Variants in IL1RAPL2 observed in about 807,000 individuals in gnomAD.
IL1RAPL2 encodes the protein interleukin 1 receptor accessory protein like 2.
IL1RAPL2 carries 3 observed loss-of-function variants against 44.1 expected under a neutral mutation model. The ratio of observed to expected loss-of-function variants is 0.07; its 90% CI spans 0.03 to 0.18. The LOEUF (loss-of-function observed/expected upper bound fraction) is 0.18. IL1RAPL2 is among the 10% of genes least tolerant of loss of function. The probability of loss-of-function intolerance (pLI) is 1.00; values close to 1 mark genes in which losing one functional copy is unlikely to be tolerated. For missense variants in IL1RAPL2, 391 were observed against 496.4 expected, an observed-to-expected ratio of 0.79 and a Z score of 2.02; for synonymous variants, 181 against 178.8, an observed-to-expected ratio of 1.01 and a Z score of -0.10.
At chrX:105,656,650 A>T (rs1306429069) in intron 6 of IL1RAPL2, among the ~76,000 whole-genome samples, 1 of 111,583 alleles carries the variant, frequency 9.0e-6, no homozygotes, top group Non-Finnish European at 1.9e-5. Flanking sequence ...CCAATCACTC[A>T]TTTGGGTACC....
At chrX:105,374,272 G>T (rs1034257307) in intron 5 of IL1RAPL2, among the ~76,000 whole-genome samples, 1 of 111,020 alleles carries the variant, frequency 9.0e-6, no homozygotes, top group Non-Finnish European at 1.9e-5. Flanking sequence ...GTAGTGTGAT[G>T]TCTCCAGCTT....
intron 2 of IL1RAPL2, among the ~76,000 whole-genome samples, chrX:104,694,679 C>CA (rs762877247): frequency 7.3e-4 from 81 of 111,592 alleles, no homozygotes; most frequent in Admixed American, 1.3e-3. Context: ...GTTGAGGATA[C>CA]ACGCAAGATA....
chrX:105,567,585 G>A (rs1039283518), intron 6 of IL1RAPL2, among the ~76,000 whole-genome samples: 2 of 111,701 alleles, frequency 1.8e-5, no homozygotes, highest in Non-Finnish European at 3.8e-5. Context: ...TGATTAATGA[G>A]TCATCCATTT....
intron 5 of IL1RAPL2, among the ~76,000 whole-genome samples, chrX:105,273,888 A>T (rs1394409918): frequency 8.9e-6 from 1 of 111,830 alleles, no homozygotes; most frequent in Admixed American, 9.6e-5. Flanking sequence ...GGTTACTATT[A>T]TTGTCCCAAT....
chrX:104,948,226 A>G (rs1336023847), intron 2 of IL1RAPL2, among the ~76,000 whole-genome samples: 9 of 107,560 alleles, frequency 8.4e-5, no homozygotes, highest in African/African-American at 1.4e-4. Context: ...TTTGTCTGTT[A>G]TTGGTGTATA....
intron 2 of IL1RAPL2, among the ~76,000 whole-genome samples, chrX:104,728,088 C>A (rs1362686319): frequency 9.1e-6 from 1 of 109,627 alleles, no homozygotes; most frequent in Non-Finnish European, 1.9e-5. Flanking sequence ...CACTTGTAGC[C>A]CCTAAATCTA....
intron 3 of IL1RAPL2, among the ~76,000 whole-genome samples, chrX:105,222,816 T>A (rs2033978690): frequency 9.0e-6 from 1 of 110,933 alleles, no homozygotes; most frequent in African/African-American, 3.3e-5. Flanking sequence ...TGAAGAAGAA[T>A]TTTTTGGGAT....
In IL1RAPL2 at chrX:104,585,286, A is replaced by ATG. The variant is rs1556438357; in HGVS notation, c.-20+18235_-20+18236insTG. ...ATATAATATATTATATATATTATAT[A>ATG]ATATATTATATATTATATATTATAT... On this transcript the variant is annotated intron_variant, in intron 1 of 10. Transcript: ENST00000372582. Among the ~76,000 whole-genome samples the ATG allele has an allele frequency of 9.0e-5, 2 of 22,210 alleles. 1 individual carries two copies. The highest frequency in any genetic ancestry group is 1.8e-3 in the Admixed American group (2 of 1,102). The allele number at this position is 22,210 out of a possible 115,157, so 19.3% of individuals were successfully genotyped here.
chrX:104,687,964 C>T (rs1229291512), intron 2 of IL1RAPL2, among the ~76,000 whole-genome samples: 1 of 111,532 alleles, frequency 9.0e-6, no homozygotes, highest in East Asian at 2.8e-4. Flanking sequence ...AACTGTGCCA[C>T]ACTACTATTT....
chrX:105,681,346 C>T (rs371563472), intron 6 of IL1RAPL2, among the ~76,000 whole-genome samples: 4 of 111,644 alleles, frequency 3.6e-5, no homozygotes, highest in South Asian at 7.6e-4. Flanking sequence ...ATTCAGTATG[C>T]CAAGGTGCCA....
intron 5 of IL1RAPL2, among the ~76,000 whole-genome samples, chrX:105,367,723 G>T (rs2035306406): frequency 9.0e-6 from 1 of 111,069 alleles, no homozygotes; most frequent in African/African-American, 3.3e-5. Context: ...ATCTATGGTT[G>T]TTTATAATAG....
At chrX:104,728,530 G>A (rs1931840641) in intron 2 of IL1RAPL2, among the ~76,000 whole-genome samples, 1 of 111,358 alleles carries the variant, frequency 9.0e-6, no homozygotes. Context: ...AAATATGTTT[G>A]TTGCAGACAT....
At chrX:105,462,613 T>C (rs1228038659) in intron 5 of IL1RAPL2, among the ~76,000 whole-genome samples, 1 of 111,269 alleles carries the variant, frequency 9.0e-6, no homozygotes, top group Non-Finnish European at 1.9e-5. Context: ...AATAGTTTGT[T>C]AAAATGGCTA....
At chrX:105,563,062 T>C (rs959581668) in intron 6 of IL1RAPL2, among the ~76,000 whole-genome samples, 3 of 111,897 alleles carry the variant, frequency 2.7e-5, no homozygotes, top group African/African-American at 9.8e-5. Context: ...GGGTGATGAC[T>C]ACTGCTTTTA....
intron 2 of IL1RAPL2, among the ~76,000 whole-genome samples, chrX:105,074,675 A>G (rs2032263740): frequency 9.4e-6 from 1 of 106,697 alleles, no homozygotes; most frequent in African/African-American, 3.4e-5. Context: ...ACCCATGAGC[A>G]TGGAATGTTC....
intron 6 of IL1RAPL2, among the ~76,000 whole-genome samples, chrX:105,627,551 T>C (rs1483149940): frequency 7.1e-5 from 8 of 111,992 alleles, no homozygotes; most frequent in Admixed American, 1.9e-4. Flanking sequence ...CTGCCAACTT[T>C]CATTTCCCCT....
chrX:105,366,283 G>A (rs1453818252), intron 5 of IL1RAPL2, among the ~76,000 whole-genome samples: 1 of 110,930 alleles, frequency 9.0e-6, no homozygotes, highest in Non-Finnish European at 1.9e-5. Flanking sequence ...TCTAGCTAAA[G>A]TTATGTCAGT....
chrX:104,871,279 G>A (rs1922754998), intron 2 of IL1RAPL2, among the ~76,000 whole-genome samples: 1 of 111,269 alleles, frequency 9.0e-6, no homozygotes, highest in African/African-American at 3.3e-5. Flanking sequence ...TTATAATAAA[G>A]TTTCCTTTAC....
At chrX:105,299,917 A>G (rs2034683882) in intron 5 of IL1RAPL2, among the ~76,000 whole-genome samples, 1 of 111,523 alleles carries the variant, frequency 9.0e-6, no homozygotes, top group South Asian at 3.8e-4. Context: ...TAAGGAGGGA[A>G]TTGGGTGATG....
Sources: allele counts gnomAD v4.1 joint callset (sites outside exome capture counted in the v4.1 genomes callset), GRCh38; gene constraint gnomAD v4.1.1; transcripts MANE v1.5; gene names NCBI Gene and HGNC (gene_info 2026-07-23, HGNC 2026-07-21).